The following ABTB3 variants were observed in gnomAD, a reference collection of about 807,000 sequenced individuals.
The protein encoded by ABTB3 is ankyrin repeat and BTB domain containing 3.
chr12:107,520,254 C>T, the ABTB3 span: 16 of 985,190 alleles, frequency 1.6e-5, no homozygotes, highest in Non-Finnish European at 1.8e-5. Flanking sequence ...TATGTACAGA[C>T]GAATGCCCAC....
At chr12:107,626,343 C>CTTTTTTTTTTTT in the ABTB3 span, among the ~76,000 whole-genome samples, 3 of 112,530 alleles carry the variant, frequency 2.7e-5, no homozygotes, top group African/African-American at 1.1e-4. Context: ...CTATCGTCAT[C>CTTTTTTTTTTTT]TTTTTTTTTT....
the ABTB3 span, among the ~76,000 whole-genome samples, chr12:107,460,649 ACT>A: frequency 1.3e-5 from 2 of 151,890 alleles, no homozygotes; most frequent in African/African-American, 2.4e-5. Context: ...ACAGAGTGAG[ACT>A]CTCTGAAGAA....
At chr12:107,572,434 C>G in the ABTB3 span, among the ~76,000 whole-genome samples, 1 of 152,032 alleles carries the variant, frequency 6.6e-6, no homozygotes, top group African/African-American at 2.4e-5. Flanking sequence ...CTACAGCAGC[C>G]ATAGGAAACT....
chr12:107,448,405 G>A, the ABTB3 span, among the ~76,000 whole-genome samples: 1 of 152,132 alleles, frequency 6.6e-6, no homozygotes. Context: ...GCCCACAGGG[G>A]GCCCCATTCA....
At chr12:107,533,121 G>C in the ABTB3 span, among the ~76,000 whole-genome samples, 1 of 151,886 alleles carries the variant, frequency 6.6e-6, no homozygotes, top group African/African-American at 2.4e-5. Context: ...ACACAAATGA[G>C]AAACAGAGAT....
At chr12:107,376,166 A>C in the ABTB3 span, among the ~76,000 whole-genome samples, 1 of 150,592 alleles carries the variant, frequency 6.6e-6, no homozygotes, top group Non-Finnish European at 1.5e-5. Flanking sequence ...CTCCCTCACC[A>C]CCCTGCGCTC....
chr12:107,383,629 G>A, the ABTB3 span, among the ~76,000 whole-genome samples: 120 of 152,268 alleles, frequency 7.9e-4, 1 homozygote, highest in East Asian at 8.9e-3. Flanking sequence ...CTATTCAAGG[G>A]GACAGGCGCC....
chr12:107,446,783 C>T, the ABTB3 span, among the ~76,000 whole-genome samples: 1 of 152,184 alleles, frequency 6.6e-6, no homozygotes, highest in Non-Finnish European at 1.5e-5. Flanking sequence ...AGACTGTACC[C>T]AGATCCCAGC....
At chr12:107,644,645 C>T in the ABTB3 span, among the ~76,000 whole-genome samples, 2 of 152,148 alleles carry the variant, frequency 1.3e-5, no homozygotes, top group Non-Finnish European at 2.9e-5. Context: ...GGGGCACACG[C>T]GCAAGTTCGT....
At chr12:107,348,560 A>T in the ABTB3 span, among the ~76,000 whole-genome samples, 1 of 152,170 alleles carries the variant, frequency 6.6e-6, no homozygotes, top group Non-Finnish European at 1.5e-5. Flanking sequence ...CTATCTCTAC[A>T]AAGAAAATTA....
the ABTB3 span, among the ~76,000 whole-genome samples, chr12:107,420,376 G>C: frequency 1.5e-4 from 23 of 152,284 alleles, 1 homozygote; most frequent in South Asian, 4.8e-3. Context: ...GGCGGGGGAG[G>C]CCTCACAATC....
At chr12:107,549,781 C>T in the ABTB3 span, among the ~76,000 whole-genome samples, 1 of 152,188 alleles carries the variant, frequency 6.6e-6, no homozygotes, top group Non-Finnish European at 1.5e-5. Flanking sequence ...TACATCTGGC[C>T]TGGAGGTACC....
chr12:107,457,463 C>A, the ABTB3 span, among the ~76,000 whole-genome samples: 1 of 152,206 alleles, frequency 6.6e-6, no homozygotes, highest in Non-Finnish European at 1.5e-5. Context: ...CGAAAGATTT[C>A]CTGACACTTC....
chr12:107,654,735 A>G, the ABTB3 span, among the ~76,000 whole-genome samples: 1 of 151,974 alleles, frequency 6.6e-6, no homozygotes, highest in South Asian at 2.1e-4. Context: ...AATGTTGGAA[A>G]TATTTTCAAT....
At chr12:107,357,199 T>C in the ABTB3 span, among the ~76,000 whole-genome samples, 5 of 152,246 alleles carry the variant, frequency 3.3e-5, no homozygotes, top group Non-Finnish European at 7.3e-5. Flanking sequence ...CCAGCATTTA[T>C]GGGGCATATT....
the ABTB3 span, among the ~76,000 whole-genome samples, chr12:107,586,644 C>T: frequency 4.6e-5 from 7 of 152,204 alleles, no homozygotes; most frequent in Admixed American, 1.3e-4. Flanking sequence ...TCTCCCTGAT[C>T]CCTGGGGAGT....
the ABTB3 span, among the ~76,000 whole-genome samples, chr12:107,509,517 T>G: frequency 3.3e-5 from 5 of 152,200 alleles, no homozygotes; most frequent in African/African-American, 1.2e-4. Context: ...TCAGGCTGGC[T>G]GGGGAGACAG....
chr12:107,424,365 G>T, the ABTB3 span, among the ~76,000 whole-genome samples: 6 of 152,182 alleles, frequency 3.9e-5, no homozygotes, highest in Non-Finnish European at 7.3e-5. Context: ...CATCAAGGTG[G>T]CAGAATTGCT....
chr12:107,425,685 A>G, the ABTB3 span, among the ~76,000 whole-genome samples: 1 of 152,160 alleles, frequency 6.6e-6, no homozygotes, highest in African/African-American at 2.4e-5. Context: ...ACCATATTTC[A>G]TTCAGATCTT....
Sources: allele counts gnomAD v4.1 joint callset (sites outside exome capture counted in the v4.1 genomes callset), GRCh38; gene constraint gnomAD v4.1.1; transcripts MANE v1.5; gene names NCBI Gene and HGNC (gene_info 2026-07-23, HGNC 2026-07-21).